Variants in MED12L observed in about 807,000 individuals in gnomAD.
MED12L encodes the protein mediator complex subunit 12L.
In MED12L, 60 loss-of-function variants were observed where a neutral mutation model predicts 281.3. The ratio of observed to expected loss-of-function variants is 0.21; its 90% CI spans 0.17 to 0.26. The LOEUF (loss-of-function observed/expected upper bound fraction) is 0.26. MED12L is among the 10% of genes least tolerant of loss of function. The pLI is 1.00. For missense variants in MED12L, 2,146 were observed against 2,680.9 expected, an observed-to-expected ratio of 0.80 and a Z score of 4.41; for synonymous variants, 974 against 987.2, an observed-to-expected ratio of 0.99 and a Z score of 0.25.
chr3:151,087,390 T>A (rs114050142), intron 2 of MED12L, among the ~76,000 whole-genome samples: 5,903 of 152,328 alleles, frequency 0.039, 146 homozygotes, highest in Non-Finnish European at 0.058. Flanking sequence ...CGTAAACTTT[T>A]TGAAAAATGT....
At chr3:151,244,705 G>T (rs1423270257) in intron 16 of MED12L, among the ~76,000 whole-genome samples, 1 of 151,326 alleles carries the variant, frequency 6.6e-6, no homozygotes, top group East Asian at 1.9e-4. Flanking sequence ...ACAATTAAAA[G>T]AACTAGAAAA....
chr3:151,210,537 TA>T (rs1450825243), intron 16 of MED12L, among the ~76,000 whole-genome samples: 1 of 152,224 alleles, frequency 6.6e-6, no homozygotes, highest in Non-Finnish European at 1.5e-5. Context: ...ATTCCTTTTA[TA>T]AAAACACCTT....
intron 8 of MED12L, among the ~76,000 whole-genome samples, chr3:151,163,451 A>G (rs770875761): frequency 6.6e-6 from 1 of 152,018 alleles, no homozygotes; most frequent in African/African-American, 2.4e-5. Context: ...CCTGCCCACC[A>G]TTTATGAAGC....
Position 151,390,216 on chromosome 3 carries a change from A to G in MED12L, c.5608+81A>G, listed in dbSNP as rs933804158. The G allele has an allele frequency of 5.0e-6, 7 of 1,407,358 alleles. No homozygotes were observed. In the South Asian group the frequency reaches 6.0e-5, roughly 12 times the overall value. 87.2% of individuals were successfully genotyped at this position (1,407,358 alleles called of 1,614,324 possible). On this transcript the variant is annotated intron_variant, in intron 38 of 44. Coordinates refer to ENST00000687756, the MANE Select transcript of MED12L (RefSeq NM_001393769.1). ...TTTGCTTTTAACCTGAAACCTCCAC[A>G]AAACTTGGACATTTCAACCACTGAG...
chr3:151,316,730 C>G (rs190727044), intron 16 of MED12L: 1 of 152,206 alleles, frequency 6.6e-6, no homozygotes, highest in African/African-American at 2.4e-5. Context: ...AACGAAACAT[C>G]TCCCCTACCA....
At chr3:151,152,275 A>AT (rs1056322871) in intron 5 of MED12L, among the ~76,000 whole-genome samples, 1 of 150,800 alleles carries the variant, frequency 6.6e-6, no homozygotes, top group African/African-American at 2.4e-5. Flanking sequence ...AATTTTGTTG[A>AT]TTTTTTTGTA....
intron 16 of MED12L, among the ~76,000 whole-genome samples, chr3:151,234,109 C>G (rs1052139982): frequency 1.3e-5 from 2 of 152,240 alleles, no homozygotes; most frequent in Admixed American, 1.3e-4. Flanking sequence ...CCTGCAGATG[C>G]ATGCCAGGAA....
chr3:151,200,382 G>A (rs1284815051), intron 16 of MED12L, among the ~76,000 whole-genome samples: 1 of 152,164 alleles, frequency 6.6e-6, no homozygotes, highest in East Asian at 1.9e-4. Flanking sequence ...ATTAAACAGT[G>A]TTCTTTTGTT....
chr3:151,190,378 G>T (rs1723814132), intron 13 of MED12L, among the ~76,000 whole-genome samples: 1 of 151,966 alleles, frequency 6.6e-6, no homozygotes, highest in African/African-American at 2.4e-5. Context: ...CACCATATTG[G>T]CCAGGCTGGT....
At chr3:151,414,651 A>G (rs1167742235) in intron 42 of MED12L, among the ~76,000 whole-genome samples, 1 of 152,154 alleles carries the variant, frequency 6.6e-6, no homozygotes, top group Non-Finnish European at 1.5e-5. Flanking sequence ...CAATTATAAG[A>G]TGCCATTAGT....
At chr3:151,355,864 G>A (rs367890678) in intron 18 of MED12L, 32 bp from the exon 19 acceptor site, 2 of 1,555,638 alleles carry the variant, frequency 1.3e-6, no homozygotes, top group East Asian at 2.2e-5. Context: ...TAGAATATTG[G>A]TCTTACAATA....
chr3:151,258,403 A>G lies in MED12L; in HGVS notation c.2250+64737A>G, dbSNP rs563315838. 2.6e-5 allele frequency among the ~76,000 whole-genome samples: 4 copies of G among 152,192 alleles called. No homozygotes were observed. In the South Asian group the frequency reaches 8.3e-4, roughly 32 times the overall value. Reference sequence around the variant, plus strand: ...AACCAGGTGAAGAAAATTTTCTGTTATTTTCTTGAAGAATAAAATAAAAAG... The same window carrying G: ...AACCAGGTGAAGAAAATTTTCTGTTGTTTTCTTGAAGAATAAAATAAAAAG... On this transcript the variant is annotated intron_variant, in intron 16 of 44. Coordinates refer to ENST00000687756, the MANE Select transcript of MED12L (RefSeq NM_001393769.1).
chr3:151,151,410 C>T (rs1217703795), intron 5 of MED12L, among the ~76,000 whole-genome samples: 1 of 151,960 alleles, frequency 6.6e-6, no homozygotes, highest in Non-Finnish European at 1.5e-5. Context: ...CATAAGAGAC[C>T]TTGCTTCTGG....
At chr3:151,208,543 G>A (rs187619569) in intron 16 of MED12L, among the ~76,000 whole-genome samples, 175 of 152,206 alleles carry the variant, frequency 1.1e-3, no homozygotes, top group African/African-American at 3.9e-3. Context: ...TTAGCCAGGC[G>A]TGATGGCGGG....
In MED12L at chr3:151,390,010, C is replaced by T. The variant is rs1713982981; in HGVS notation, c.5483C>T (p.Pro1828Leu). ...CCACAGAGCAACATATACCGAGTGC[C>T]TCCTAATTACTCGCCTATCTCCTCC... ...EYPQSNIYRV[P>L]PNYSPISSQM... Residue 1828 changes from proline to leucine, a missense_variant, in exon 38 of 45, where the codon CCT (proline) becomes CTT (leucine). Physicochemically the swap from Pro to Leu is moderately conservative, Grantham distance 98 (BLOSUM62 -3). Transcript: ENST00000687756. The T allele has an allele frequency of 1.2e-6, 2 of 1,614,028 alleles. No individual in the cohort carries two copies. The highest frequency in any genetic ancestry group is 1.7e-6 in the Non-Finnish European group (2 of 1,179,992).
At chr3:151,364,940 T>C (rs1480600878) in intron 21 of MED12L, 39 bp from the exon 22 acceptor site, 8 of 1,415,488 alleles carry the variant, frequency 5.7e-6, no homozygotes, top group Middle Eastern at 1.8e-4. Context: ...TTATTCTAGT[T>C]TTATTTTTCT....
At chr3:151,110,417 G>C (rs779001243) in intron 2 of MED12L, among the ~76,000 whole-genome samples, 3 of 152,128 alleles carry the variant, frequency 2.0e-5, no homozygotes, top group Non-Finnish European at 4.4e-5. Context: ...GGGGTCTATT[G>C]GTGCATTACT....
chr3:151,145,588 G>T lies in MED12L; in HGVS notation c.557-10573G>T, dbSNP rs375501098. Among the ~76,000 whole-genome samples the T allele has an allele frequency of 8.5e-5, 13 of 152,296 alleles. No individual in the cohort carries two copies. In the East Asian group the frequency reaches 1.3e-3, roughly 16 times the overall value. ...GCCTCAGTGTCAGTATGCTGGTTGC[G>T]ATATTGTACTATAGATTTGAAGGAA... is the stretch of plus-strand genomic sequence containing the variant. On this transcript the variant is annotated intron_variant, in intron 5 of 44. Coordinates refer to ENST00000687756, the MANE Select transcript of MED12L (RefSeq NM_001393769.1).
Position 151,280,312 on chromosome 3 carries a change from A to T in MED12L, c.2251-69747A>T, listed in dbSNP as rs967997032. On this transcript the variant is annotated intron_variant, in intron 16 of 44. Coordinates refer to ENST00000687756, the MANE Select transcript of MED12L (RefSeq NM_001393769.1). ...TGGGCCAGTGTCTTCAGAACATTAA[A>T]CGCTGATTTGCATGTACTGTTCTAA... Among the ~76,000 whole-genome samples the T allele has an allele frequency of 5.9e-5, 9 of 152,260 alleles. No homozygotes were observed. In the Middle Eastern group the frequency reaches 0.01, roughly 173 times the overall value.
Sources: allele counts gnomAD v4.1 joint callset (sites outside exome capture counted in the v4.1 genomes callset), GRCh38; gene constraint gnomAD v4.1.1; transcripts MANE v1.5; gene names NCBI Gene and HGNC (gene_info 2026-07-23, HGNC 2026-07-21).